The following RMND5B variants were observed in gnomAD, a reference collection of about 807,000 sequenced individuals.
RMND5B encodes E3 ubiquitin-protein transferase RMND5B.
Under a neutral mutation model 50.4 loss-of-function variants are expected in RMND5B, and 42 were observed. The observed-to-expected ratio is 0.83, with a 90% CI of 0.65 to 1.08. The LOEUF (loss-of-function observed/expected upper bound fraction) is 1.08. Ranked by LOEUF, RMND5B falls within the 50% of genes least tolerant of loss-of-function variation. The pLI is 0.00. For synonymous variants in RMND5B, 220 were observed against 210.0 expected, an observed-to-expected ratio of 1.05 and a Z score of -0.41; for missense variants, 463 against 508.5, an observed-to-expected ratio of 0.91 and a Z score of 0.86.
intron 2 of RMND5B, among the ~76,000 whole-genome samples, chr5:178,134,792 C>A (rs1297241052): frequency 1.3e-5 from 2 of 148,288 alleles, no homozygotes; most frequent in Non-Finnish European, 3.0e-5. Context: ...AATGGCGAAA[C>A]CCCGTCTTTA....
rs754630866 is a variant in RMND5B, at chr5:178,142,593, G to A, written c.150G>A (p.Gly50=). ...RAELASAALQ[G]TPLSATLSLV... ...CCACTTTCTCTGCAGCCCTCCAGGGGACCCCTCTCTCAGCCACCCTCTCTC... is the reference window on the plus strand; with the variant it reads ...CCACTTTCTCTGCAGCCCTCCAGGGAACCCCTCTCTCAGCCACCCTCTCTC... Residue 50 remains glycine, a synonymous_variant, in exon 4 of 11, where the codon GGG becomes GGA. Transcript: ENST00000313386. 1.8e-5 allele frequency: 29 copies of A among 1,612,316 alleles called. No homozygotes were observed. The South Asian group carries it at 3.2e-4, about 18-fold the overall frequency.
chr5:178,147,764 C>T lies in RMND5B; in HGVS notation c.999C>T (p.His333=). The T allele has an allele frequency of 6.2e-7, 1 of 1,614,194 alleles. No individual in the cohort carries two copies. The highest frequency in any genetic ancestry group is 8.5e-7 in the Non-Finnish European group (1 of 1,180,038). ...EIELGMKCWY[H]SVFACPILRQ... ...AACTAGGCATGAAGTGCTGGTACCA[C>T]TCCGTGTTCGCTTGCCCCATCCTCC... Residue 333 remains histidine, a synonymous_variant, in exon 10 of 11, where the codon CAC becomes CAT. Coordinates refer to ENST00000313386, the MANE Select transcript of RMND5B (RefSeq NM_022762.5).
intron 7 of RMND5B, 90 bp downstream of exon 7, chr5:178,144,198 A>C (rs1755853963): frequency 2.8e-6 from 4 of 1,407,594 alleles, no homozygotes; most frequent in African/African-American, 2.8e-5. Flanking sequence ...CCCTGCACCC[A>C]TGTGGGGCTG....
chr5:178,149,636 G>C lies in RMND5B; in HGVS notation c.*1604G>C. Reference sequence around the variant, plus strand: ...TGGGAAGATGCCGTCAGTGTGGGTGGGCAGGAGGACAGCCAGTCGTCCTGC... The same window carrying C: ...TGGGAAGATGCCGTCAGTGTGGGTGCGCAGGAGGACAGCCAGTCGTCCTGC... On this transcript the variant is annotated 3_prime_UTR_variant, in exon 11 of 11. Coordinates refer to ENST00000313386, the MANE Select transcript of RMND5B (RefSeq NM_022762.5). The C allele has an allele frequency of 6.3e-7, 1 of 1,594,844 alleles. No homozygotes were observed. Among genetic ancestry groups the C allele is most frequent in the Non-Finnish European group, 8.6e-7 (1 of 1,167,576 alleles).
At chr5:178,144,224 C>A in intron 7 of RMND5B, 116 bp downstream of exon 7, 1 of 1,136,946 alleles carries the variant, frequency 8.8e-7, no homozygotes, top group Non-Finnish European at 1.2e-6. Context: ...TACACAGATG[C>A]CTCTCCCCAA....
intron 2 of RMND5B, among the ~76,000 whole-genome samples, chr5:178,134,130 A>C (rs1758486321): frequency 1.3e-5 from 2 of 152,298 alleles, no homozygotes; most frequent in East Asian, 1.9e-4. Flanking sequence ...CCAATGGAGG[A>C]GGCTGACGTG....
At chr5:178,146,389 G>A (rs1581130044) in intron 8 of RMND5B, 110 bp downstream of exon 8, 4 of 1,009,584 alleles carry the variant, frequency 4.0e-6, no homozygotes, top group African/African-American at 3.2e-5. Context: ...TTCAGAGACC[G>A]AAACTGGCTT....
chr5:178,140,340 ATTT>A (rs59166409), intron 3 of RMND5B, among the ~76,000 whole-genome samples: 17 of 144,796 alleles, frequency 1.2e-4, no homozygotes, highest in African/African-American at 4.3e-4. Context: ...GGCCCTGCTA[ATTT>A]TTTTTTTTTT....
At position 178,137,866 on chromosome 5, in the gene RMND5B, G is replaced by C. The variant is rs934766504; in HGVS notation, c.-12-242G>C. 6.6e-6 allele frequency among the ~76,000 whole-genome samples: 1 copy of C among 152,102 alleles called. No individual in the cohort carries two copies. The highest frequency in any genetic ancestry group is 2.4e-5 in the African/African-American group (1 of 41,410). On this transcript the variant is annotated intron_variant, in intron 2 of 10. Transcript: ENST00000313386. This position sits in a 1 kb window ranked among gnomAD's most constrained non-coding sequence, Gnocchi z 4.4. ...AATGGAATAATAATTTTCTCACCATGATTAAGAAAAACCTCGTCCTCACAC... is the reference window on the plus strand; with the variant it reads ...AATGGAATAATAATTTTCTCACCATCATTAAGAAAAACCTCGTCCTCACAC...
At position 178,143,720 on chromosome 5, in the gene RMND5B, G is replaced by T. The variant is rs368471120; in HGVS notation, c.520G>T (p.Ala174Ser). 1.2e-6 allele frequency: 2 copies of T among 1,613,214 alleles called. No homozygotes were observed. The highest frequency in any genetic ancestry group is 1.1e-5 in the South Asian group (1 of 91,074). The change falls in exon 6 of 11, where the codon GCG (alanine) becomes TCG (serine). Residue 174 changes from alanine to serine, a missense_variant. Coordinates refer to ENST00000313386, the MANE Select transcript of RMND5B (RefSeq NM_022762.5). ...CCTGCACGAACAAGACCTGGGTCCT[G>T]CGTTGGAGTAAGGAGGCCCTTGGGT... ...EALHEQDLGPALEWAVSHRQR... is the reference protein window; with the variant it reads ...EALHEQDLGPSLEWAVSHRQR...
In RMND5B at chr5:178,138,261, G is replaced by T. The variant is rs1758724759; in HGVS notation, c.139+3G>T. 1 of 1,612,552 alleles carries T rather than the reference G, an allele frequency of 6.2e-7. No individual in the cohort carries two copies. The highest frequency in any genetic ancestry group is 8.5e-7 in the Non-Finnish European group (1 of 1,179,222). ...GCGGGCTGAGCTGGCCAGCGCAGGT[G>T]GGTGGCCACCCTTGCAAGTGCCCTG... On this transcript the variant is annotated splice_donor_region_variant and intron_variant, in intron 3 of 10. Transcript: ENST00000313386. This position sits in a 1 kb window ranked among gnomAD's most constrained non-coding sequence, Gnocchi z 5.1.
In RMND5B at chr5:178,138,201, A is replaced by C. The variant is rs773835660; in HGVS notation, c.82A>C (p.Ser28Arg). 7.4e-6 allele frequency: 12 copies of C among 1,613,878 alleles called. No homozygotes were observed. Among genetic ancestry groups the C allele is most frequent in the Non-Finnish European group, 1.0e-5 (12 of 1,179,902 alleles). Residue 28 changes from serine to arginine, a missense_variant, in exon 3 of 11, where the codon AGC becomes CGC. Physicochemically the swap from Ser to Arg is moderately radical, Grantham distance 110. Transcript: ENST00000313386. This position sits in a 1 kb window ranked among gnomAD's most constrained non-coding sequence, Gnocchi z 5.1. ...GACCTACGGGCAGCACTGTGAGCGG[A>C]GCCTGGAGGAGCTGCTGCACTACGT... is the stretch of plus-strand genomic sequence containing the variant. ...FLTYGQHCER[S>R]LEELLHYVGQ...
chr5:178,131,609 A>G (rs978937322), intron 2 of RMND5B, among the ~76,000 whole-genome samples: 8 of 150,062 alleles, frequency 5.3e-5, no homozygotes, highest in Non-Finnish European at 1.0e-4. Flanking sequence ...GCGATATGAC[A>G]CGGTAACTGG....
intron 3 of RMND5B, among the ~76,000 whole-genome samples, chr5:178,139,545 AT>A (rs35774978): frequency 2.9e-5 from 4 of 139,752 alleles, no homozygotes; most frequent in Non-Finnish European, 3.0e-5. Context: ...TGTCCCAGGA[AT>A]TTTTTTTTTT....
In RMND5B at chr5:178,144,009, C is replaced by CT; in HGVS notation, c.596dup (p.His200AlafsTer67). ...CTCCCTGGAGTTCAAGCTGCACCGA[C>CT]TGCACTTCATCCGCCTCTTGGCAGG... is the stretch of plus-strand genomic sequence containing the variant. On this transcript the variant is annotated frameshift_variant, in exon 7 of 11. Coordinates refer to ENST00000313386, the MANE Select transcript of RMND5B (RefSeq NM_022762.5). LOFTEE classifies it high-confidence loss of function. 1.2e-6 allele frequency: 2 copies of CT among 1,614,280 alleles called. No individual in the cohort carries two copies. Among genetic ancestry groups the CT allele is most frequent in the Non-Finnish European group, 1.7e-6 (2 of 1,180,044 alleles).
At position 178,137,976 on chromosome 5, in the gene RMND5B, T is replaced by C; in HGVS notation, c.-12-132T>C. 3.6e-6 allele frequency: 3 copies of C among 822,528 alleles called. No individual in the cohort carries two copies. Among genetic ancestry groups the C allele is most frequent in the Non-Finnish European group, 3.8e-6 (2 of 532,270 alleles). The allele number at this position is 822,528 out of a possible 1,614,324, so 51.0% of individuals were successfully genotyped here. A position where few individuals can be genotyped will look rare whatever the true frequency, so the allele number is the denominator to read the frequency against. ...ACCAAAACATAGGTACATATATACA[T>C]ATATGTACAAAACATATAACATTGA... On this transcript the variant is annotated intron_variant, in intron 2 of 10. Transcript: ENST00000313386. This position sits in a 1 kb window ranked among gnomAD's most constrained non-coding sequence, Gnocchi z 4.4.
chr5:178,132,198 T>C (rs1279823436), intron 2 of RMND5B, among the ~76,000 whole-genome samples: 4 of 152,104 alleles, frequency 2.6e-5, no homozygotes, highest in Admixed American at 1.3e-4. Flanking sequence ...CCCAGCACTT[T>C]GGGAGGCCAA....
chr5:178,138,041 G>A lies in RMND5B; in HGVS notation c.-12-67G>A. On this transcript the variant is annotated intron_variant, in intron 2 of 10. Transcript: ENST00000313386. The surrounding 1 kb of genome is among the most constrained non-coding windows in gnomAD (Gnocchi z 5.1). ...ATGGTGAGAGGGATCTGAAGAGGTG[G>A]TCTGGGCACCCTGCCTGCCATGCCA... 1 of 1,450,574 alleles carries A rather than the reference G, an allele frequency of 6.9e-7. No individual in the cohort carries two copies. Among genetic ancestry groups the A allele is most frequent in the Non-Finnish European group, 9.3e-7 (1 of 1,072,576 alleles). The allele number at this position is 1,450,574 out of a possible 1,614,324, so 89.9% of individuals were successfully genotyped here.
intron 2 of RMND5B, among the ~76,000 whole-genome samples, chr5:178,133,000 G>A (rs1440674580): frequency 6.6e-6 from 1 of 151,830 alleles, no homozygotes; most frequent in Admixed American, 6.6e-5. Flanking sequence ...GAGTAGCTGG[G>A]ATTACAGGCA....
Sources: gnomAD v4.1 joint callset for allele counts (sites outside exome capture counted in the v4.1 genomes callset) on GRCh38, gnomAD v4.1.1 for gene constraint, Gnocchi (gnomAD v3.1) non-coding constraint, MANE v1.5 for transcripts, NCBI Gene and HGNC (gene_info 2026-07-23, HGNC 2026-07-21) for gene names.